Variants in BRD10 observed in about 807,000 individuals in gnomAD.
BRD10 encodes the protein bromodomain containing 10.
At chr9:5,889,137 C>G in the BRD10 span, among the ~76,000 whole-genome samples, 1 of 152,168 alleles carries the variant, frequency 6.6e-6, no homozygotes, top group South Asian at 2.1e-4. Flanking sequence ...ATGAGTTGCA[C>G]CGAATAGTAC....
At chr9:5,967,232 T>C in the BRD10 span, among the ~76,000 whole-genome samples, 5 of 152,110 alleles carry the variant, frequency 3.3e-5, no homozygotes, top group African/African-American at 1.2e-4. Flanking sequence ...TTAGGGTTAA[T>C]AAAGCTGATC....
the BRD10 span, chr9:5,921,696 GAAT>G: frequency 1.8e-3 from 2,878 of 1,613,876 alleles, 9 homozygotes; most frequent in South Asian, 2.9e-3. Context: ...GTTGGAGTAT[GAAT>G]AATATTTGCA....
At chr9:5,909,004 C>G in the BRD10 span, 2 of 365,062 alleles carry the variant, frequency 5.5e-6, no homozygotes, top group African/African-American at 4.2e-5. Context: ...AGACAGAATT[C>G]AAGTGGGTAT....
At chr9:5,997,143 G>A in the BRD10 span, among the ~76,000 whole-genome samples, 1 of 152,168 alleles carries the variant, frequency 6.6e-6, no homozygotes, top group Non-Finnish European at 1.5e-5. Flanking sequence ...GAAATAACAG[G>A]TCTTAACAAA....
the BRD10 span, among the ~76,000 whole-genome samples, chr9:5,903,875 T>G: frequency 6.6e-6 from 1 of 152,130 alleles, no homozygotes; most frequent in Non-Finnish European, 1.5e-5. Context: ...TTTTTTTTTT[T>G]GAGACAGAGT....
chr9:5,972,780 C>A, the BRD10 span, among the ~76,000 whole-genome samples: 1 of 152,150 alleles, frequency 6.6e-6, no homozygotes, highest in African/African-American at 2.4e-5. Flanking sequence ...TTATAAATTA[C>A]TCAGCCTCAG....
the BRD10 span, chr9:5,968,558 T>A: frequency 1.1e-5 from 17 of 1,613,772 alleles, no homozygotes; most frequent in Admixed American, 1.7e-5. Flanking sequence ...AACAGAGATG[T>A]CATGATTATC....
At chr9:5,937,575 C>A in the BRD10 span, among the ~76,000 whole-genome samples, 9 of 152,086 alleles carry the variant, frequency 5.9e-5, no homozygotes, top group Non-Finnish European at 1.2e-4. Context: ...CACTAGAAAG[C>A]TCTTGACTAC....
the BRD10 span, among the ~76,000 whole-genome samples, chr9:5,926,907 C>G: frequency 6.6e-6 from 1 of 152,014 alleles, no homozygotes; most frequent in Non-Finnish European, 1.5e-5. Context: ...TAGTACTTAC[C>G]TCTCAGTACG....
the BRD10 span, among the ~76,000 whole-genome samples, chr9:5,932,863 C>A: frequency 6.6e-6 from 1 of 152,084 alleles, no homozygotes; most frequent in African/African-American, 2.4e-5. Context: ...ATGTAGGTAT[C>A]TCTGTATTAT....
chr9:5,898,405 C>G, the BRD10 span, among the ~76,000 whole-genome samples: 1 of 152,170 alleles, frequency 6.6e-6, no homozygotes, highest in Non-Finnish European at 1.5e-5. Context: ...CCTGCAATAA[C>G]AACATTAATC....
chr9:5,922,803 C>G, the BRD10 span: 1 of 1,613,962 alleles, frequency 6.2e-7, no homozygotes. Flanking sequence ...ATTTTGTATA[C>G]CATTTGTAAA....
chr9:5,986,416 T>C, the BRD10 span, among the ~76,000 whole-genome samples: 4 of 152,228 alleles, frequency 2.6e-5, no homozygotes, highest in South Asian at 2.1e-4. Flanking sequence ...CTATTGTGAA[T>C]AGTGCTGCAA....
the BRD10 span, among the ~76,000 whole-genome samples, chr9:5,989,264 C>CAAAA: frequency 3.2e-4 from 33 of 104,314 alleles, no homozygotes; most frequent in Admixed American, 6.4e-4. Context: ...AAAAAAAAAT[C>CAAAA]CAAAAATTAG....
the BRD10 span, chr9:5,906,939 G>T: frequency 1.3e-6 from 2 of 1,598,020 alleles, no homozygotes; most frequent in South Asian, 1.1e-5. Flanking sequence ...ATGCCCACAA[G>T]AAGGGTTTGA....
chr9:5,892,973 TG>T, the BRD10 span, among the ~76,000 whole-genome samples: 1 of 152,186 alleles, frequency 6.6e-6, no homozygotes, highest in Non-Finnish European at 1.5e-5. Context: ...GGCAGGTGTG[TG>T]TGACTCAGCC....
At chr9:5,899,715 C>T in the BRD10 span, among the ~76,000 whole-genome samples, 1 of 152,192 alleles carries the variant, frequency 6.6e-6, no homozygotes, top group Non-Finnish European at 1.5e-5. Context: ...TGGCTATTTA[C>T]TTTTTGCCTC....
At chr9:5,915,759 T>C in the BRD10 span, among the ~76,000 whole-genome samples, 95 of 152,326 alleles carry the variant, frequency 6.2e-4, 3 homozygotes, top group South Asian at 0.019. Flanking sequence ...ATTTTTTGTA[T>C]TGAGGACAGA....
At chr9:5,994,509 T>G in the BRD10 span, among the ~76,000 whole-genome samples, 5 of 152,224 alleles carry the variant, frequency 3.3e-5, no homozygotes, top group African/African-American at 1.2e-4. Flanking sequence ...TTCCCAGTCA[T>G]TACCTTATTC....
Sources: gnomAD v4.1 joint callset for allele counts (sites outside exome capture counted in the v4.1 genomes callset) on GRCh38, gnomAD v4.1.1 for gene constraint, MANE v1.5 for transcripts, NCBI Gene and HGNC (gene_info 2026-07-23, HGNC 2026-07-21) for gene names.